AFF3: variants seen among roughly 807,000 people sequenced by gnomAD.
The protein encoded by AFF3 is AF4/FMR2 family member 3.
Under a neutral mutation model 129.7 loss-of-function variants are expected in AFF3, and 32 were observed. The ratio of observed to expected loss-of-function variants is 0.25; its 90% confidence interval spans 0.19 to 0.33. AFF3 has a LOEUF of 0.33. Among genes scored for constraint, AFF3 ranks in the 10% least tolerant of loss-of-function variants. The pLI, the probability that AFF3 is intolerant of heterozygous loss-of-function variation, is 1.00. For synonymous variants in AFF3, 644 were observed against 635.4 expected, an observed-to-expected ratio of 1.01 and a Z score of -0.20; for missense variants, 1,373 against 1,592.0, an observed-to-expected ratio of 0.86 and a Z score of 2.34.
intron 7 of AFF3, among the ~76,000 whole-genome samples, chr2:99,863,175 G>C (rs12472950): frequency 2.0e-3 from 299 of 152,326 alleles, no homozygotes; most frequent in Non-Finnish European, 3.5e-3. Context: ...AAAAGCGTAA[G>C]CTTTTTTACA....
chr2:100,100,846 GGACCACAGAAGGAA>G (rs1690670777), intron 4 of AFF3, among the ~76,000 whole-genome samples: 1 of 152,184 alleles, frequency 6.6e-6, no homozygotes, highest in Non-Finnish European at 1.5e-5. Flanking sequence ...AAAAGCTGGT[GGACCACAGAAGGAA>G]GACCAGGGAG....
At chr2:100,047,184 G>A (rs761793758) in intron 4 of AFF3, among the ~76,000 whole-genome samples, 19 of 152,354 alleles carry the variant, frequency 1.2e-4, no homozygotes, top group South Asian at 1.0e-3. Flanking sequence ...CTCCACCGTC[G>A]CTGAAGGCGC....
chr2:99,783,720 C>T (rs766731328), intron 8 of AFF3, among the ~76,000 whole-genome samples: 4 of 152,196 alleles, frequency 2.6e-5, no homozygotes, highest in Non-Finnish European at 5.9e-5. Flanking sequence ...CTGTCATTTG[C>T]AGAAACTTCC....
At chr2:100,012,397 C>G (rs909767601) in intron 4 of AFF3, among the ~76,000 whole-genome samples, 1 of 152,214 alleles carries the variant, frequency 6.6e-6, no homozygotes, top group Non-Finnish European at 1.5e-5. Flanking sequence ...CCCCCCACCA[C>G]ATATCATTTC....
intron 12 of AFF3, among the ~76,000 whole-genome samples, chr2:99,650,707 G>A (rs1036663124): frequency 6.6e-6 from 1 of 151,800 alleles, no homozygotes; most frequent in Admixed American, 6.6e-5. Context: ...TATTATTCTG[G>A]CCATTTCCCT....
intron 7 of AFF3, among the ~76,000 whole-genome samples, chr2:100,003,091 C>T (rs1481789887): frequency 1.1e-5 from 1 of 93,636 alleles, no homozygotes; most frequent in East Asian, 3.6e-4. Flanking sequence ...GTCTCTAAGG[C>T]TCTGGGGAGT....
intron 11 of AFF3, among the ~76,000 whole-genome samples, chr2:99,693,549 T>C (rs541308463): frequency 1.6e-3 from 238 of 152,110 alleles, no homozygotes; most frequent in Non-Finnish European, 2.4e-3. Flanking sequence ...AATGAAAGAG[T>C]TGATGAGTAT....
At chr2:100,032,232 C>T (rs973890424) in intron 4 of AFF3, among the ~76,000 whole-genome samples, 3 of 152,096 alleles carry the variant, frequency 2.0e-5, no homozygotes, top group Non-Finnish European at 4.4e-5. Context: ...TCAAGACCAT[C>T]CCAGCCAACA....
chr2:99,653,104 G>A (rs1685423338), intron 12 of AFF3, among the ~76,000 whole-genome samples: 1 of 152,176 alleles, frequency 6.6e-6, no homozygotes. Context: ...TTGTCTCCTG[G>A]AGAGTTTCCC....
chr2:99,895,132 G>T (rs1693847577), intron 7 of AFF3, among the ~76,000 whole-genome samples: 1 of 152,146 alleles, frequency 6.6e-6, no homozygotes. Flanking sequence ...GTTGTTGACA[G>T]TTTTTCTGTA....
intron 8 of AFF3, among the ~76,000 whole-genome samples, chr2:99,761,795 T>A (rs1414809833): frequency 6.6e-6 from 1 of 152,188 alleles, no homozygotes; most frequent in African/African-American, 2.4e-5. Context: ...ACAGGAGAGT[T>A]CCATCTCGAA....
chr2:99,982,657 C>G (rs1004379844), intron 7 of AFF3, among the ~76,000 whole-genome samples: 1 of 152,196 alleles, frequency 6.6e-6, no homozygotes, highest in South Asian at 2.1e-4. Context: ...CCTTATGACT[C>G]TCGAGGTCTC....
intron 7 of AFF3, among the ~76,000 whole-genome samples, chr2:100,005,332 T>C (rs7340465): frequency 0.82 from 125,495 of 152,194 alleles, 52,249 homozygotes; most frequent in African/African-American, 0.93. Flanking sequence ...TGAAGTTTCT[T>C]TGGTAGATAA....
At chr2:99,886,419 A>AT (rs11464583) in intron 7 of AFF3, among the ~76,000 whole-genome samples, 56,721 of 148,582 alleles carry the variant, frequency 0.38, 10,922 homozygotes, top group East Asian at 0.52. Flanking sequence ...AGTCATTACA[A>AT]TTTTTTTTTT....
At chr2:99,991,912 A>C (rs923850729) in intron 7 of AFF3, among the ~76,000 whole-genome samples, 1 of 150,598 alleles carries the variant, frequency 6.6e-6, no homozygotes, top group Admixed American at 6.6e-5. Flanking sequence ...CAAAAACAAA[A>C]ACAAAAACAA....
intron 7 of AFF3, among the ~76,000 whole-genome samples, chr2:99,900,437 C>T (rs1461259970): frequency 6.6e-6 from 1 of 152,158 alleles, no homozygotes; most frequent in Non-Finnish European, 1.5e-5. Context: ...CCCCACTCCC[C>T]TTCTCAGTGA....
chr2:99,839,003 C>T (rs564038461), intron 7 of AFF3, among the ~76,000 whole-genome samples: 125 of 106,898 alleles, frequency 1.2e-3, no homozygotes, highest in African/African-American at 4.1e-3. Flanking sequence ...TGATTGAGAC[C>T]TTCTCCTACC....
chr2:99,632,164 C>T (rs1235232430), intron 13 of AFF3, among the ~76,000 whole-genome samples: 2 of 151,814 alleles, frequency 1.3e-5, no homozygotes, highest in Non-Finnish European at 2.9e-5. Flanking sequence ...TACAGGCACC[C>T]ACCATCATGC....
At chr2:99,894,668 G>A (rs1035741395) in intron 7 of AFF3, among the ~76,000 whole-genome samples, 2 of 151,748 alleles carry the variant, frequency 1.3e-5, no homozygotes, top group Non-Finnish European at 2.9e-5. Context: ...GTAAAGATGA[G>A]GTTTCACCAT....
Sources: allele counts gnomAD v4.1 joint callset (sites outside exome capture counted in the v4.1 genomes callset), GRCh38; gene constraint gnomAD v4.1.1; transcripts MANE v1.5; gene names NCBI Gene and HGNC (gene_info 2026-07-23, HGNC 2026-07-21).